Variants in RAB2A observed in about 807,000 individuals in gnomAD.
The protein encoded by RAB2A is RAB2A, member RAS oncogene family.
Under a neutral mutation model 32.5 loss-of-function variants are expected in RAB2A, and 7 were observed. That is an observed-to-expected ratio of 0.22 (90% CI 0.12 to 0.40). The LOEUF (loss-of-function observed/expected upper bound fraction) is 0.40, where lower values mean the gene tolerates loss of function less well. RAB2A is among the 10% of genes least tolerant of loss of function. RAB2A has a pLI of 1.00. For missense variants in RAB2A, 108 were observed against 260.7 expected, an observed-to-expected ratio of 0.41 and a Z score of 4.03; for synonymous variants, 79 against 85.2, an observed-to-expected ratio of 0.93 and a Z score of 0.40.
intron 1 of RAB2A, among the ~76,000 whole-genome samples, chr8:60,536,468 T>C (rs1198390154): frequency 4.6e-5 from 7 of 152,210 alleles, no homozygotes; most frequent in African/African-American, 1.7e-4. Context: ...GAAAAAGTTT[T>C]CTCTTCAAGC....
intron 5 of RAB2A, 46 bp from the exon 6 acceptor site, chr8:60,591,812 T>C (rs1286611757): frequency 8.1e-7 from 1 of 1,235,132 alleles, no homozygotes; most frequent in Non-Finnish European, 1.2e-6. Flanking sequence ...TGCTTCTGTT[T>C]GTACCATGTT....
chr8:60,524,892 T>G (rs1231186196), intron 1 of RAB2A, among the ~76,000 whole-genome samples: 1 of 152,212 alleles, frequency 6.6e-6, no homozygotes, highest in Non-Finnish European at 1.5e-5. Context: ...CCCTAAGGTG[T>G]AGCCAGACTG....
intron 3 of RAB2A, among the ~76,000 whole-genome samples, chr8:60,580,094 T>A (rs1803717175): frequency 6.6e-6 from 1 of 151,722 alleles, no homozygotes; most frequent in Non-Finnish European, 1.5e-5. Flanking sequence ...CCTCCTGGCT[T>A]CAAGTGATTC....
Position 60,517,246 on chromosome 8 carries a change from C to T in RAB2A, c.39C>T (p.Gly13=), listed in dbSNP as rs1389258029. ...ATCTCTTCAAGTACATCATAATCGG[C>T]GACACAGGTGAGGGCCCCGGGCGCG... ...YAYLFKYIII[G]DTGVGKSCLL... is the part of the protein sequence containing the mutation. Residue 13 remains glycine, a synonymous_variant, in exon 1 of 8, where the codon GGC becomes GGT. Coordinates refer to ENST00000262646, the MANE Select transcript of RAB2A (RefSeq NM_002865.3). 4 of 1,488,744 alleles carry T rather than the reference C, an allele frequency of 2.7e-6. No homozygotes were observed. The highest frequency in any genetic ancestry group is 2.4e-5 in the Admixed American group (1 of 42,414). The allele number at this position is 1,488,744 out of a possible 1,614,324, so 92.2% of individuals were successfully genotyped here.
At position 60,622,828 on chromosome 8, in the gene RAB2A, T is replaced by C. The variant is rs941669427; in HGVS notation, c.*2059T>C. On this transcript the variant is annotated 3_prime_UTR_variant, in exon 8 of 8. Transcript: ENST00000262646. ...AGCAGGTGGACTTCTCAATAGTTCT[T>C]TTCCACATTCTCTACAAATCACATC... The C allele has an allele frequency of 6.6e-6, 1 of 152,236 alleles. No homozygotes were observed. The highest frequency in any genetic ancestry group is 2.4e-5 in the African/African-American group (1 of 41,462). 9.4% of individuals were successfully genotyped at this position (152,236 alleles called of 1,614,324 possible). A position where few individuals can be genotyped will look rare whatever the true frequency, so the allele number is the denominator to read the frequency against.
chr8:60,582,117 T>A (rs560115963), intron 3 of RAB2A, among the ~76,000 whole-genome samples: 6 of 152,104 alleles, frequency 3.9e-5, no homozygotes, highest in South Asian at 2.1e-4. Context: ...AGCTAATTTT[T>A]AAAATTTTTT....
intron 2 of RAB2A, among the ~76,000 whole-genome samples, chr8:60,571,026 TTGATA>T (rs1290320799): frequency 6.6e-6 from 1 of 152,160 alleles, no homozygotes; most frequent in African/African-American, 2.4e-5. Context: ...CAGTAATGAC[TTGATA>T]TAAGAGATAT....
At chr8:60,523,452 C>T (rs769539745) in intron 1 of RAB2A, among the ~76,000 whole-genome samples, 9 of 151,750 alleles carry the variant, frequency 5.9e-5, no homozygotes, top group East Asian at 2.0e-4. Flanking sequence ...CCACCACGCC[C>T]GGCCAAGGAC....
At chr8:60,583,127 A>G (rs960226804) in intron 3 of RAB2A, among the ~76,000 whole-genome samples, 1 of 115,668 alleles carries the variant, frequency 8.6e-6, no homozygotes, top group African/African-American at 2.7e-5. Flanking sequence ...AGGGTAGAAT[A>G]TGAGCCGTCC....
At chr8:60,548,365 G>A (rs1319381106) in intron 1 of RAB2A, among the ~76,000 whole-genome samples, 1 of 31,144 alleles carries the variant, frequency 3.2e-5, no homozygotes, top group Non-Finnish European at 5.5e-5. Flanking sequence ...CTTCCCGGAT[G>A]GGGCGGCTGG....
chr8:60,520,103 C>T (rs973809661), intron 1 of RAB2A, among the ~76,000 whole-genome samples: 3 of 152,188 alleles, frequency 2.0e-5, no homozygotes, highest in African/African-American at 7.2e-5. Flanking sequence ...ATAACCTTCT[C>T]TCAGTATGTG....
chr8:60,533,503 G>A (rs1238509307), intron 1 of RAB2A, among the ~76,000 whole-genome samples: 3 of 152,196 alleles, frequency 2.0e-5, no homozygotes, highest in Non-Finnish European at 4.4e-5. Flanking sequence ...TACCAGGACC[G>A]TGAGTAGAAG....
At chr8:60,554,802 G>A (rs542096731) in intron 1 of RAB2A, among the ~76,000 whole-genome samples, 4 of 152,098 alleles carry the variant, frequency 2.6e-5, no homozygotes, top group South Asian at 2.1e-4. Flanking sequence ...GCAGTGAGCC[G>A]AGATTGCGCC....
chr8:60,599,467 T>C lies in RAB2A; in HGVS notation c.474+7498T>C, dbSNP rs146166242. The stretch of plus-strand genomic sequence containing the variant: ...AATATATATGGAAAGGCAGAAGAAC[T>C]AAAGTAGCTGACACAGCTTAGCAAA... On this transcript the variant is annotated intron_variant, in intron 6 of 7. Coordinates refer to ENST00000262646, the MANE Select transcript of RAB2A (RefSeq NM_002865.3). Among the ~76,000 whole-genome samples, 16 of 152,238 alleles carry C rather than the reference T, an allele frequency of 1.1e-4. No homozygotes were observed. The East Asian group carries it at 2.9e-3, about 28-fold the overall frequency.
At chr8:60,517,565 C>A (rs891148293) in intron 1 of RAB2A, among the ~76,000 whole-genome samples, 5 of 152,098 alleles carry the variant, frequency 3.3e-5, no homozygotes, top group African/African-American at 1.2e-4. Flanking sequence ...GGGCCCGACT[C>A]ACATGACTGC....
intron 3 of RAB2A, among the ~76,000 whole-genome samples, chr8:60,583,363 C>G (rs2130848287): frequency 6.6e-6 from 1 of 151,866 alleles, no homozygotes; most frequent in South Asian, 2.1e-4. Context: ...GTTTTAAACT[C>G]AGACAGAACA....
At position 60,620,779 on chromosome 8, in the gene RAB2A, T is replaced by C. The variant is rs1420170212; in HGVS notation, c.*10T>C. 5 of 1,611,226 alleles carry C rather than the reference T, an allele frequency of 3.1e-6. No individual in the cohort carries two copies. Among genetic ancestry groups the C allele is most frequent in the Non-Finnish European group, 4.2e-6 (5 of 1,178,976 alleles). On this transcript the variant is annotated 3_prime_UTR_variant, in exon 8 of 8. Coordinates refer to ENST00000262646, the MANE Select transcript of RAB2A (RefSeq NM_002865.3). ...GGGCGGCTGCTGTTGAGTCTGTTTT[T>C]ACTGTCTAGCTGCCCAACGGGGCCT...
intron 6 of RAB2A, among the ~76,000 whole-genome samples, chr8:60,593,510 A>G (rs1344742592): frequency 6.6e-6 from 1 of 152,166 alleles, no homozygotes; most frequent in Non-Finnish European, 1.5e-5. Flanking sequence ...ACTGTAGCCA[A>G]ACATCACAGA....
intron 6 of RAB2A, among the ~76,000 whole-genome samples, chr8:60,600,485 G>A (rs1432149581): frequency 1.3e-5 from 2 of 152,134 alleles, no homozygotes; most frequent in Non-Finnish European, 2.9e-5. Flanking sequence ...CAGCCACTCT[G>A]GAAAAATGGC....
Sources: allele counts gnomAD v4.1 joint callset (sites outside exome capture counted in the v4.1 genomes callset), GRCh38; gene constraint gnomAD v4.1.1; transcripts MANE v1.5; gene names NCBI Gene and HGNC (gene_info 2026-07-23, HGNC 2026-07-21).